Variants in ARHGAP15 observed in about 807,000 individuals in gnomAD.
ARHGAP15 encodes Rho GTPase activating protein 15.
ARHGAP15 carries 51 observed loss-of-function variants against 63.7 expected under a neutral mutation model. The ratio of observed to expected loss-of-function variants is 0.80; its 90% CI spans 0.64 to 1.01. ARHGAP15 has a LOEUF of 1.01. Among genes scored for constraint, ARHGAP15 ranks in the 50% least tolerant of loss-of-function variants. The pLI is 0.00. For synonymous variants in ARHGAP15, 191 were observed against 193.8 expected (o/e 0.99, Z 0.12); for missense variants, 560 against 564.6 (o/e 0.99, Z 0.08).
intron 11 of ARHGAP15, among the ~76,000 whole-genome samples, chr2:143,567,152 G>C (rs955789580): frequency 6.6e-6 from 1 of 152,122 alleles, no homozygotes; most frequent in Admixed American, 6.5e-5. Flanking sequence ...TGGCATTACA[G>C]GGGTGAGCCA....
chr2:143,133,019 A>G (rs541817399), intron 1 of ARHGAP15, among the ~76,000 whole-genome samples: 2 of 152,210 alleles, frequency 1.3e-5, no homozygotes, highest in Non-Finnish European at 2.9e-5. Context: ...CCATAAGAAG[A>G]TACAGAGAAT....
At chr2:143,667,140 A>G (rs1294350833) in intron 12 of ARHGAP15, among the ~76,000 whole-genome samples, 1 of 150,964 alleles carries the variant, frequency 6.6e-6, no homozygotes, top group Non-Finnish European at 1.5e-5. Context: ...TTGTGGCATT[A>G]TTCACAATAG....
intron 6 of ARHGAP15, among the ~76,000 whole-genome samples, chr2:143,317,734 G>T (rs190451726): frequency 1.3e-5 from 2 of 152,212 alleles, no homozygotes; most frequent in East Asian, 3.9e-4. Context: ...ACCGTGGTTT[G>T]GGGGGATTCA....
At chr2:143,601,872 G>A (rs1265576580) in intron 11 of ARHGAP15, among the ~76,000 whole-genome samples, 1 of 152,070 alleles carries the variant, frequency 6.6e-6, no homozygotes, top group Non-Finnish European at 1.5e-5. Context: ...AATGAACATT[G>A]ACTACTGGAT....
At chr2:143,293,536 T>A (rs906914951) in intron 6 of ARHGAP15, among the ~76,000 whole-genome samples, 3 of 152,042 alleles carry the variant, frequency 2.0e-5, no homozygotes, top group Non-Finnish European at 4.4e-5. Flanking sequence ...TTTCGCACAG[T>A]TTAGAGTGTG....
At chr2:143,320,010 A>T (rs1288915625) in intron 6 of ARHGAP15, among the ~76,000 whole-genome samples, 1 of 151,456 alleles carries the variant, frequency 6.6e-6, no homozygotes, top group Non-Finnish European at 1.5e-5. Flanking sequence ...ACATTTTTTC[A>T]GAAAGGTATT....
At chr2:143,764,039 A>T (rs1274719697) in intron 13 of ARHGAP15, among the ~76,000 whole-genome samples, 4 of 151,986 alleles carry the variant, frequency 2.6e-5, no homozygotes, top group Admixed American at 2.0e-4. Flanking sequence ...GTTATTTTTT[A>T]AATTTATTTT....
At chr2:143,564,319 G>A (rs1010406060) in intron 11 of ARHGAP15, among the ~76,000 whole-genome samples, 2 of 152,124 alleles carry the variant, frequency 1.3e-5, no homozygotes, top group African/African-American at 4.8e-5. Flanking sequence ...ACATCCTAGG[G>A]GAGGGGACTA....
chr2:143,696,849 G>A (rs890965335), intron 12 of ARHGAP15, among the ~76,000 whole-genome samples: 7 of 152,178 alleles, frequency 4.6e-5, no homozygotes, highest in African/African-American at 1.4e-4. Flanking sequence ...TCTTATTTGA[G>A]TCAGATAGAT....
intron 6 of ARHGAP15, among the ~76,000 whole-genome samples, chr2:143,386,538 C>G (rs1687293953): frequency 6.6e-6 from 1 of 152,012 alleles, no homozygotes; most frequent in African/African-American, 2.4e-5. Context: ...AAGCAAAATT[C>G]AAAAATATTA....
intron 2 of ARHGAP15, among the ~76,000 whole-genome samples, chr2:143,199,372 T>A (rs923572935): frequency 3.0e-4 from 46 of 152,190 alleles, no homozygotes; most frequent in Non-Finnish European, 1.0e-4. Flanking sequence ...AACAGTTAGA[T>A]GGAAGTTTTC....
chr2:143,399,712 G>A (rs2104992674), intron 6 of ARHGAP15, among the ~76,000 whole-genome samples: 1 of 152,012 alleles, frequency 6.6e-6, no homozygotes, highest in South Asian at 2.1e-4. Context: ...AGTAAGTTAG[G>A]CAACCAGAAC....
chr2:143,132,316 T>C (rs527842607), intron 1 of ARHGAP15, among the ~76,000 whole-genome samples: 2 of 152,354 alleles, frequency 1.3e-5, no homozygotes, highest in East Asian at 1.9e-4. Flanking sequence ...AGTCTAAGGA[T>C]AGCAAAGTCA....
intron 10 of ARHGAP15, among the ~76,000 whole-genome samples, chr2:143,532,429 A>C (rs1023736738): frequency 1.3e-5 from 2 of 152,204 alleles, no homozygotes; most frequent in Non-Finnish European, 2.9e-5. Flanking sequence ...ATGTATGTCC[A>C]TGTTTTCCAT....
At chr2:143,196,060 T>C (rs764289315) in intron 2 of ARHGAP15, among the ~76,000 whole-genome samples, 4 of 152,096 alleles carry the variant, frequency 2.6e-5, no homozygotes, top group Admixed American at 6.5e-5. Context: ...GAAAAAGATA[T>C]CTGAAAAACT....
intron 12 of ARHGAP15, among the ~76,000 whole-genome samples, chr2:143,689,963 G>A (rs1052042989): frequency 2.6e-5 from 4 of 152,186 alleles, no homozygotes; most frequent in Non-Finnish European, 5.9e-5. Context: ...AAAGGAAGGC[G>A]ACTGGTGAGA....
At chr2:143,602,742 A>G (rs986758833) in intron 11 of ARHGAP15, among the ~76,000 whole-genome samples, 3 of 152,210 alleles carry the variant, frequency 2.0e-5, no homozygotes, top group Admixed American at 1.3e-4. Flanking sequence ...AAGCAATATC[A>G]CTGGAAATTC....
intron 8 of ARHGAP15, among the ~76,000 whole-genome samples, chr2:143,442,416 C>T (rs1280788530): frequency 6.6e-6 from 1 of 152,060 alleles, no homozygotes; most frequent in Non-Finnish European, 1.5e-5. Flanking sequence ...GATCTAGTTT[C>T]CGGTCTAGAT....
At chr2:143,598,691 A>C (rs1289790614) in intron 11 of ARHGAP15, among the ~76,000 whole-genome samples, 2 of 152,126 alleles carry the variant, frequency 1.3e-5, no homozygotes, top group Admixed American at 1.3e-4. Context: ...GGGTCACTTG[A>C]AGCCAGGAGT....
Sources: allele counts gnomAD v4.1 joint callset (sites outside exome capture counted in the v4.1 genomes callset), GRCh38; gene constraint gnomAD v4.1.1; transcripts MANE v1.5; gene names NCBI Gene and HGNC (gene_info 2026-07-23, HGNC 2026-07-21).